Variants in MAD1L1 observed in about 807,000 individuals in gnomAD.
The protein encoded by MAD1L1 is mitotic spindle assembly checkpoint protein MAD1.
MAD1L1 carries 95 observed loss-of-function variants against 96.9 expected under a neutral mutation model. The ratio of observed to expected loss-of-function variants is 0.98; its 90% CI spans 0.83 to 1.16. The LOEUF is 1.16. Among genes scored for constraint, MAD1L1 ranks in the 50% most tolerant of loss-of-function variants. The probability of loss-of-function intolerance (pLI) is 0.00; values close to 1 mark genes in which losing one functional copy is unlikely to be tolerated. For synonymous variants in MAD1L1, 473 were observed against 396.6 expected (o/e 1.19, Z -2.29); for missense variants, 1,007 against 954.4 (o/e 1.06, Z -0.73).
intron 12 of MAD1L1, among the ~76,000 whole-genome samples, chr7:2,043,700 G>A (rs900367381): frequency 3.9e-5 from 6 of 152,352 alleles, no homozygotes; most frequent in South Asian, 2.1e-4. Flanking sequence ...ACAGCCCTGC[G>A]GAGTGCCAGC....
intron 18 of MAD1L1, among the ~76,000 whole-genome samples, chr7:1,869,909 T>C (rs1784960890): frequency 6.6e-6 from 1 of 152,158 alleles, no homozygotes; most frequent in Non-Finnish European, 1.5e-5. Flanking sequence ...AGGCAGGCTG[T>C]GAGCCCAGGA....
At chr7:2,049,810 A>T (rs1301390218) in intron 12 of MAD1L1, among the ~76,000 whole-genome samples, 1 of 148,356 alleles carries the variant, frequency 6.7e-6, no homozygotes, top group Non-Finnish European at 1.5e-5. Flanking sequence ...ACCTCATCCA[A>T]CATCTGCTGG....
chr7:2,007,989 G>A (rs1381895638), intron 13 of MAD1L1, among the ~76,000 whole-genome samples: 6 of 152,248 alleles, frequency 3.9e-5, no homozygotes, highest in Non-Finnish European at 8.8e-5. Context: ...CTCTGTTTAC[G>A]TGAAGTTCCA....
intron 14 of MAD1L1, among the ~76,000 whole-genome samples, chr7:2,000,235 C>T (rs1034394258): frequency 2.6e-5 from 4 of 152,200 alleles, no homozygotes; most frequent in Non-Finnish European, 5.9e-5. Context: ...CTCTACCTCA[C>T]CTGCATCTCC....
chr7:2,065,687 C>G (rs1276025245), intron 12 of MAD1L1, among the ~76,000 whole-genome samples: 1 of 152,170 alleles, frequency 6.6e-6, no homozygotes, highest in African/African-American at 2.4e-5. Flanking sequence ...CAGGGTGTCA[C>G]CATGACAACC....
At chr7:1,987,163 T>C (rs1447349154) in intron 14 of MAD1L1, among the ~76,000 whole-genome samples, 2 of 152,158 alleles carry the variant, frequency 1.3e-5, no homozygotes, top group South Asian at 2.1e-4. Flanking sequence ...CAGCTGGAAG[T>C]GCCCACCCCC....
chr7:1,919,181 G>A lies in MAD1L1; in HGVS notation c.1807+17506C>T, dbSNP rs188347563. On this transcript the variant is annotated intron_variant, in intron 17 of 18. Transcript: ENST00000265854. ...CCCCAGGACCTGGGCCGGTGGTCCC[G>A]TTTCTCAAATGGGGAAGCTGAGATG... 1.0e-3 allele frequency among the ~76,000 whole-genome samples: 154 copies of A among 152,312 alleles called. 1 individual carries two copies. Among genetic ancestry groups the A allele is most frequent in the African/African-American group, 3.6e-3 (151 of 41,544 alleles).
At chr7:2,179,694 G>A (rs929021478) in intron 10 of MAD1L1, among the ~76,000 whole-genome samples, 5 of 152,092 alleles carry the variant, frequency 3.3e-5, no homozygotes, top group African/African-American at 4.8e-5. Flanking sequence ...CTTAGGCCGA[G>A]CATGGTGGCT....
intron 16 of MAD1L1, among the ~76,000 whole-genome samples, chr7:1,939,269 C>T (rs527523488): frequency 4.6e-5 from 7 of 150,644 alleles, no homozygotes; most frequent in South Asian, 2.1e-4. Context: ...CAGAGGCGCG[C>T]GCACACATGG....
intron 16 of MAD1L1, among the ~76,000 whole-genome samples, chr7:1,949,297 C>G (rs1779378873): frequency 1.3e-5 from 2 of 152,240 alleles, no homozygotes; most frequent in South Asian, 4.1e-4. Context: ...TGCACATGGT[C>G]TCAGGCTCTA....
In MAD1L1 at chr7:2,142,998, G is replaced by A. The variant is rs997456330; in HGVS notation, c.1073+6154C>T. Among the ~76,000 whole-genome samples the A allele has an allele frequency of 1.1e-4, 17 of 152,112 alleles. No homozygotes were observed. Among genetic ancestry groups the A allele is most frequent in the Admixed American group, 9.2e-4 (14 of 15,270 alleles). ...ACATCCTGCCCCACAGAGTCCCCTG[G>A]AAAACTTACCCCTGCCATGCCCTGA... On this transcript the variant is annotated intron_variant, in intron 11 of 18. Coordinates refer to ENST00000265854, the MANE Select transcript of MAD1L1 (RefSeq NM_001013836.2). The surrounding 1 kb of genome is among the most constrained non-coding windows in gnomAD (Gnocchi z 4.7).
At chr7:1,996,879 G>T (rs2128490855) in intron 14 of MAD1L1, among the ~76,000 whole-genome samples, 1 of 78,792 alleles carries the variant, frequency 1.3e-5, no homozygotes, top group Middle Eastern at 5.3e-3. Context: ...GCTGAGAGCG[G>T]CGTAATTCCC....
intron 18 of MAD1L1, among the ~76,000 whole-genome samples, chr7:1,880,926 C>G (rs1197069907): frequency 6.6e-6 from 1 of 152,218 alleles, no homozygotes; most frequent in Non-Finnish European, 1.5e-5. Flanking sequence ...GAGCCTGGAG[C>G]CTGGAGGGGA....
chr7:2,168,717 A>G (rs1162668629), intron 10 of MAD1L1, among the ~76,000 whole-genome samples: 1 of 152,226 alleles, frequency 6.6e-6, no homozygotes, highest in Admixed American at 6.5e-5. Context: ...TCCCGCGTGG[A>G]GGGCGCCACG....
At chr7:2,061,616 G>A (rs764317981) in intron 12 of MAD1L1, among the ~76,000 whole-genome samples, 54 of 152,210 alleles carry the variant, frequency 3.5e-4, no homozygotes, top group Non-Finnish European at 5.7e-4. Flanking sequence ...TAACTCTGGC[G>A]GGGGTGGCAG....
chr7:2,198,982 T>G (rs1004292790), intron 10 of MAD1L1, among the ~76,000 whole-genome samples: 3 of 150,750 alleles, frequency 2.0e-5, no homozygotes, highest in African/African-American at 7.4e-5. Context: ...CAGGCTGAGG[T>G]CAGGCAGTGG....
At chr7:1,824,285 C>T (rs1047391061) in intron 18 of MAD1L1, among the ~76,000 whole-genome samples, 3 of 152,226 alleles carry the variant, frequency 2.0e-5, no homozygotes, top group African/African-American at 7.2e-5. Context: ...TCGCACCCAC[C>T]AGAACTAGCT....
At chr7:1,840,144 C>CTTGGGG (rs1783170789) in intron 18 of MAD1L1, among the ~76,000 whole-genome samples, 1 of 152,220 alleles carries the variant, frequency 6.6e-6, no homozygotes, top group South Asian at 2.1e-4. Flanking sequence ...AGGTCTGACA[C>CTTGGGG]TCTCTTTCCC....
intron 18 of MAD1L1, among the ~76,000 whole-genome samples, chr7:1,885,834 T>C (rs1013812057): frequency 6.6e-6 from 1 of 152,026 alleles, no homozygotes; most frequent in African/African-American, 2.4e-5. Context: ...CTAGGCCGGG[T>C]GGGCCCACTC....
Sources: allele counts gnomAD v4.1 joint callset (sites outside exome capture counted in the v4.1 genomes callset), GRCh38; gene constraint gnomAD v4.1.1; non-coding constraint Gnocchi (gnomAD v3.1); transcripts MANE v1.5; gene names NCBI Gene and HGNC (gene_info 2026-07-23, HGNC 2026-07-21).